MEIOSIN: variants seen among roughly 807,000 people sequenced by gnomAD.
MEIOSIN encodes meiosis initiator protein.
MEIOSIN carries 18 observed loss-of-function variants against 23.4 expected under a neutral mutation model. The ratio of observed to expected loss-of-function variants is 0.77; its 90% confidence interval spans 0.53 to 1.14. MEIOSIN has a LOEUF of 1.14. Among genes scored for constraint, MEIOSIN ranks in the 50% most tolerant of loss-of-function variants. The pLI, the probability that MEIOSIN is intolerant of heterozygous loss-of-function variation, is 0.00. For missense variants in MEIOSIN, 428 were observed against 242.9 expected (o/e 1.76, Z -5.07); for synonymous variants, 187 against 100.6 (o/e 1.86, Z -5.14).
intron 7 of MEIOSIN, 28 bp from the exon 8 acceptor site, chr19:45,755,942 G>T (rs1180769483): frequency 2.9e-6 from 2 of 699,324 alleles, no homozygotes; most frequent in South Asian, 1.5e-5. Flanking sequence ...CCAGTCCCCA[G>T]GCATGGTCAT....
At chr19:45,746,785 C>T (rs1738130416) in intron 4 of MEIOSIN, among the ~76,000 whole-genome samples, 1 of 151,076 alleles carries the variant, frequency 6.6e-6, no homozygotes, top group Non-Finnish European at 1.5e-5. Context: ...CGCGCCATTG[C>T]ACCCCAGCCT....
intron 10 of MEIOSIN, 89 bp from the exon 11 acceptor site, chr19:45,759,325 A>G: frequency 2.9e-6 from 2 of 683,902 alleles, no homozygotes; most frequent in Non-Finnish European, 5.3e-6. Context: ...AGAGACGGGG[A>G]CTCCGGCTAG....
rs1257760012 is a variant in MEIOSIN at position 45,761,955 on chromosome 19, C to T, written c.1451C>T (p.Pro484Leu). 2 of 574,834 alleles carry T rather than the reference C, an allele frequency of 3.5e-6. No individual in the cohort carries two copies. Among genetic ancestry groups the T allele is most frequent in the Admixed American group, 6.0e-5 (2 of 33,552 alleles). 35.6% of individuals were successfully genotyped at this position (574,834 alleles called of 1,614,324 possible). A position where few individuals can be genotyped will look rare whatever the true frequency, so the allele number is the denominator to read the frequency against. The change falls in exon 13 of 15, where the codon CCT becomes CTT. Residue 484 changes from proline to leucine, a missense_variant. Pro to Leu is a moderately conservative substitution (Grantham distance 98, BLOSUM62 -3). Coordinates refer to ENST00000457052, the MANE Select transcript of MEIOSIN (RefSeq NM_001310124.2). ...WKQREDMQANPVGTPGSSEED... is the reference protein window; with the variant it reads ...WKQREDMQANLVGTPGSSEED... ...CTCCCCCAGGATATGCAGGCCAACC[C>T]TGTGGGCACGCCGGGCTCCAGCGAA... is the stretch of plus-strand genomic sequence containing the variant.
chr19:45,759,878 T>C (rs1390759808), intron 11 of MEIOSIN, among the ~76,000 whole-genome samples: 1 of 152,096 alleles, frequency 6.6e-6, no homozygotes, highest in Non-Finnish European at 1.5e-5. Flanking sequence ...CTCGGCTCAC[T>C]GTAACCTCCG....
chr19:45,744,049 CT>C (rs373791690), intron 3 of MEIOSIN, among the ~76,000 whole-genome samples: 29,033 of 144,066 alleles, frequency 0.2, 3,304 homozygotes, highest in Non-Finnish European at 0.27. Flanking sequence ...CTTATTTTTA[CT>C]TTTTTTTTTT....
intron 5 of MEIOSIN, among the ~76,000 whole-genome samples, chr19:45,753,055 C>T (rs2146191235): frequency 6.6e-6 from 1 of 151,456 alleles, no homozygotes; most frequent in East Asian, 2.0e-4. Flanking sequence ...TCCCAAGTAA[C>T]TGGGATTACA....
intron 5 of MEIOSIN, among the ~76,000 whole-genome samples, chr19:45,753,172 G>A (rs996527613): frequency 1.3e-4 from 20 of 152,100 alleles, no homozygotes; most frequent in Admixed American, 9.2e-4. Context: ...GACACTGTTC[G>A]GAGTGATCTA....
intron 7 of MEIOSIN, 113 bp from the exon 8 acceptor site, chr19:45,755,846 TTTGGGCTAGGA>T: frequency 1.6e-6 from 1 of 607,934 alleles, no homozygotes; most frequent in Non-Finnish European, 3.0e-6. Flanking sequence ...CATCCTGAGG[TTTGGGCTAGGA>T]TTGGGGAGTG....
chr19:45,754,713 G>A lies in MEIOSIN; in HGVS notation c.791G>A (p.Cys264Tyr), dbSNP rs1469783766. 5.7e-6 allele frequency: 4 copies of A among 703,076 alleles called. No individual in the cohort carries two copies. The East Asian group carries it at 1.1e-4, about 19-fold the overall frequency. The allele number at this position is 703,076 out of a possible 1,614,324, so 43.6% of individuals were successfully genotyped here. A position where few individuals can be genotyped will look rare whatever the true frequency, so the allele number is the denominator to read the frequency against. Residue 264 changes from cysteine to tyrosine, a missense_variant, in exon 7 of 15, where the codon TGT becomes TAT. Cys to Tyr is a radical substitution (Grantham distance 194). Transcript: ENST00000457052. Reference protein sequence around the residue: ...LLDLAEDTIHCDISSCWCQGS... With the variant: ...LLDLAEDTIHYDISSCWCQGS... Reference sequence around the variant, plus strand: ...GATCTGGCCGAGGACACCATCCACTGTGACATCTCAAGTGGGTCTCTTTCC... The same window carrying A: ...GATCTGGCCGAGGACACCATCCACTATGACATCTCAAGTGGGTCTCTTTCC...
chr19:45,752,033 G>GTTT (rs36122176), intron 5 of MEIOSIN, among the ~76,000 whole-genome samples: 9 of 64,124 alleles, frequency 1.4e-4, no homozygotes, highest in Admixed American at 2.0e-4. Flanking sequence ...GCTCCTAGCC[G>GTTT]TTTTTTTTTT....
chr19:45,758,937 A>C lies in MEIOSIN; in HGVS notation c.1072A>C (p.Ser358Arg), dbSNP rs1021467780. 1.4e-6 allele frequency: 1 copy of C among 702,994 alleles called. No homozygotes were observed. Among genetic ancestry groups the C allele is most frequent in the African/African-American group, 1.7e-5 (1 of 57,272 alleles). The allele number at this position is 702,994 out of a possible 1,614,324, so 43.5% of individuals were successfully genotyped here. ...IDVWSGTGHP[S>R]EILGLSPSLF... ...TGTCTGGAGTGGAACAGGCCACCCA[A>C]GTGAGATCCTCGGGCTCAGCCCTAG... Residue 358 changes from serine (S) to arginine (R), a missense_variant, in exon 10 of 15, where the codon AGT (serine) becomes CGT (arginine). Coordinates refer to ENST00000457052, the MANE Select transcript of MEIOSIN (RefSeq NM_001310124.2).
At chr19:45,747,016 G>C (rs1600380711) in intron 4 of MEIOSIN, among the ~76,000 whole-genome samples, 1 of 152,140 alleles carries the variant, frequency 6.6e-6, no homozygotes, top group East Asian at 1.9e-4. Flanking sequence ...ATGCATAGGT[G>C]CTGGAATAGC....
At chr19:45,761,600 G>C (rs966577778) in intron 11 of MEIOSIN, 79 bp from the exon 12 acceptor site, 4 of 641,242 alleles carry the variant, frequency 6.2e-6, no homozygotes, top group East Asian at 2.8e-5. Context: ...CTCATGTTAT[G>C]TCCTAGAAAA....
chr19:45,749,279 G>C (rs950983173), intron 4 of MEIOSIN, among the ~76,000 whole-genome samples: 2 of 150,710 alleles, frequency 1.3e-5, no homozygotes, highest in Admixed American at 6.6e-5. Flanking sequence ...GGCTGAGACA[G>C]GAGGATTGCT....
intron 11 of MEIOSIN, among the ~76,000 whole-genome samples, chr19:45,760,194 G>A (rs1375420782): frequency 6.6e-6 from 1 of 151,806 alleles, no homozygotes; most frequent in African/African-American, 2.4e-5. Flanking sequence ...TAAGCTGGGC[G>A]CGGTGGCTCA....
At chr19:45,758,784 G>T (rs957513762) in intron 9 of MEIOSIN, 94 bp from the exon 10 acceptor site, 22 of 627,366 alleles carry the variant, frequency 3.5e-5, no homozygotes, top group Non-Finnish European at 6.3e-5. Flanking sequence ...TTCGCTTTCC[G>T]TAGCATCAGG....
At chr19:45,735,997 G>T (rs1228239419) in intron 2 of MEIOSIN, among the ~76,000 whole-genome samples, 8 of 151,072 alleles carry the variant, frequency 5.3e-5, no homozygotes, top group Admixed American at 4.0e-4. Context: ...TTTATTTTTA[G>T]GGCAAAGATA....
chr19:45,758,626 C>CACCATGTTAGCCAGGCTA (rs1193684440), intron 9 of MEIOSIN, among the ~76,000 whole-genome samples: 3 of 152,088 alleles, frequency 2.0e-5, no homozygotes, highest in Non-Finnish European at 4.4e-5. Context: ...GACGGGGTTT[C>CACCATGTTAGCCAGGCTA]ACCATGTTAG....
rs58070090 is a variant in MEIOSIN, at chr19:45,741,349, GA to G, written c.176+1629del. On this transcript the variant is annotated intron_variant, in intron 3 of 14. Transcript: ENST00000457052. ...ACAAGAGCGAGACTCTGTCTCGGGG[GA>G]AAAAAAAAAGAAAAATATTAACAAT... Among the ~76,000 whole-genome samples, 1,378 of 145,524 alleles carry G rather than the reference GA, an allele frequency of 9.5e-3. 24 individuals carry two copies. Among genetic ancestry groups the G allele is most frequent in the African/African-American group, 0.03 (1,213 of 39,802 alleles).
Sources: gnomAD v4.1 joint callset for allele counts (sites outside exome capture counted in the v4.1 genomes callset) on GRCh38, gnomAD v4.1.1 for gene constraint, MANE v1.5 for transcripts, NCBI Gene and HGNC (gene_info 2026-07-23, HGNC 2026-07-21) for gene names.